The following ZNF385C variants were observed in gnomAD, a reference collection of about 807,000 sequenced individuals.
The protein encoded by ZNF385C is CTD-2132N18.2.
Under a neutral mutation model 35.4 loss-of-function variants are expected in ZNF385C, and 28 were observed. The ratio of observed to expected loss-of-function variants is 0.79; its 90% CI spans 0.59 to 1.08. The LOEUF (loss-of-function observed/expected upper bound fraction) is 1.08, where lower values mean the gene tolerates loss of function less well. Among genes scored for constraint, ZNF385C ranks in the 50% least tolerant of loss-of-function variants. ZNF385C has a pLI of 0.00. For synonymous variants in ZNF385C, 248 were observed against 248.2 expected, an observed-to-expected ratio of 1.00 and a Z score of 0.01; for missense variants, 605 against 595.6, an observed-to-expected ratio of 1.02 and a Z score of -0.16.
intron 2 of ZNF385C, chr17:42,038,534 T>C (rs1302995143): frequency 6.5e-6 from 1 of 153,266 alleles, no homozygotes; most frequent in Non-Finnish European, 1.4e-5. Context: ...CAGTCTTTGG[T>C]CTTAAAGGTC....
intron 1 of ZNF385C, among the ~76,000 whole-genome samples, chr17:42,075,731 T>C (rs2053677771): frequency 6.6e-6 from 1 of 152,192 alleles, no homozygotes; most frequent in South Asian, 2.1e-4. Flanking sequence ...CCTGACCTCA[T>C]GATCCACCTG....
In ZNF385C at chr17:42,037,838, G is replaced by A; in HGVS notation, c.298C>T (p.Leu100=). 1 of 1,517,064 alleles carries A rather than the reference G, an allele frequency of 6.6e-7. No individual in the cohort carries two copies. The allele number at this position is 1,517,064 out of a possible 1,614,324, so 94.0% of individuals were successfully genotyped here. ...GGGGGCTGCAGAGGCCGGGTGGGCA[G>A]GGGCAGGGAGGCCAGCAGGGGGCTG... is the stretch of plus-strand genomic sequence containing the variant. ...APSPLLASLP[L]PTRPLQPPLD... is the part of the protein sequence containing the mutation. Residue 100 remains leucine, a synonymous_variant, in exon 3 of 9, where the codon CTG becomes TTG. Transcript: ENST00000692273.
intron 1 of ZNF385C, among the ~76,000 whole-genome samples, chr17:42,078,186 C>A (rs1329122150): frequency 2.0e-5 from 3 of 152,102 alleles, no homozygotes; most frequent in Admixed American, 2.0e-4. Context: ...GCCTCAGTTT[C>A]CCTGGCGGTG....
intron 1 of ZNF385C, among the ~76,000 whole-genome samples, chr17:42,073,065 AG>A (rs1439686975): frequency 6.6e-6 from 1 of 152,194 alleles, no homozygotes; most frequent in African/African-American, 2.4e-5. Context: ...GCTGGGTGCC[AG>A]GGGGATCACA....
intron 2 of ZNF385C, among the ~76,000 whole-genome samples, chr17:42,045,904 A>G (rs543909956): frequency 4.6e-5 from 7 of 152,306 alleles, no homozygotes; most frequent in Admixed American, 3.9e-4. Context: ...TTCTGTTAAT[A>G]GAGCCTCCCG....
At chr17:42,069,203 T>C (rs1487387482) in intron 1 of ZNF385C, among the ~76,000 whole-genome samples, 2 of 139,898 alleles carry the variant, frequency 1.4e-5, no homozygotes, top group African/African-American at 5.5e-5. Flanking sequence ...CTACCTGTGC[T>C]GGAGAGCTGT....
chr17:42,041,123 G>C, intron 2 of ZNF385C: 1 of 1,232,292 alleles, frequency 8.1e-7, no homozygotes, highest in Non-Finnish European at 1.0e-6. Flanking sequence ...TCCAACACCA[G>C]CCCCACATAT....
At chr17:42,037,929 A>T in intron 2 of ZNF385C, 44 bp from the exon 3 acceptor site, 1 of 1,546,438 alleles carries the variant, frequency 6.5e-7, no homozygotes, top group Non-Finnish European at 8.7e-7. Context: ...GCTCTGTCCT[A>T]CCCCCGTGGC....
At chr17:42,063,914 A>G (rs1193723677) in intron 1 of ZNF385C, among the ~76,000 whole-genome samples, 1 of 151,752 alleles carries the variant, frequency 6.6e-6, no homozygotes, top group Non-Finnish European at 1.5e-5. Context: ...AGCCATCCCA[A>G]CCCCTGCTCC....
In ZNF385C at chr17:42,095,061, C is replaced by T. The variant is rs1011309503; in HGVS notation, c.-3+3349G>A. Among the ~76,000 whole-genome samples the T allele has an allele frequency of 7.9e-5, 12 of 152,096 alleles. No individual in the cohort carries two copies. Among genetic ancestry groups the T allele is most frequent in the Non-Finnish European group, 1.5e-4 (10 of 68,018 alleles). On this transcript the variant is annotated intron_variant, in intron 1 of 8. Coordinates refer to ENST00000692273, the MANE Select transcript of ZNF385C (RefSeq NM_001392013.1). This position sits in a 1 kb window ranked among gnomAD's most constrained non-coding sequence, Gnocchi z 4.4. Reference sequence around the variant, plus strand: ...CTGGGGGTTAGTGCAGGCGGGCATGCGTACCTGAGTGAGTTTGTGAGTGTC... The same window carrying T: ...CTGGGGGTTAGTGCAGGCGGGCATGTGTACCTGAGTGAGTTTGTGAGTGTC...
In ZNF385C at chr17:42,027,104, G is replaced by C; in HGVS notation, c.1305C>G (p.Thr435=). 1 of 1,613,400 alleles carries C rather than the reference G, an allele frequency of 6.2e-7. No individual in the cohort carries two copies. The highest frequency in any genetic ancestry group is 1.3e-5 in the African/African-American group (1 of 74,968). The change falls in exon 9 of 9, where the codon ACC becomes ACG. Residue 435 remains threonine (T), a synonymous_variant. Coordinates refer to ENST00000692273, the MANE Select transcript of ZNF385C (RefSeq NM_001392013.1). ...KSKLALQKQL[T]KTLAARFLPS... ...GCAGGAAGCGGGCTGCCAACGTCTT[G>C]GTGAGTTGCTTCTGCAAGGCCAGTT... is the stretch of plus-strand genomic sequence containing the variant.
intron 1 of ZNF385C, among the ~76,000 whole-genome samples, chr17:42,064,042 C>T (rs77865039): frequency 0.029 from 4,355 of 151,266 alleles, 210 homozygotes; most frequent in East Asian, 0.21. Flanking sequence ...CCCCTGCCCC[C>T]GCCCTGTCCC....
intron 3 of ZNF385C, among the ~76,000 whole-genome samples, chr17:42,035,542 CTT>C (rs67173303): frequency 2.3e-4 from 24 of 105,590 alleles, no homozygotes; most frequent in African/African-American, 7.3e-4. Flanking sequence ...TGCTGACGAC[CTT>C]TTTTTTTTTT....
In ZNF385C at chr17:42,027,728, G is replaced by C; in HGVS notation, c.1165C>G (p.His389Asp). The C allele has an allele frequency of 6.2e-7, 1 of 1,611,988 alleles. No homozygotes were observed. Residue 389 changes from histidine (H) to aspartate (D), a missense_variant and splice_region_variant, in exon 8 of 9, where the codon CAC becomes GAC. Physicochemically the swap from His to Asp is moderately conservative, Grantham distance 81. Coordinates refer to ENST00000692273, the MANE Select transcript of ZNF385C (RefSeq NM_001392013.1). ...TCTTTGTGCCTCCTGCTGCTCATGTGCTAATGGACAGACAGACAGACTGGG... is the reference window on the plus strand; with the variant it reads ...TCTTTGTGCCTCCTGCTGCTCATGTCCTAATGGACAGACAGACAGACTGGG... ...QVNSETQLKQ[H>D]MSSRRHKDRL...
intron 2 of ZNF385C, among the ~76,000 whole-genome samples, chr17:42,043,928 G>A (rs1555656364): frequency 6.6e-6 from 1 of 152,012 alleles, no homozygotes; most frequent in Non-Finnish European, 1.5e-5. Flanking sequence ...GGGCCCATGA[G>A]GAGTTCATAG....
intron 2 of ZNF385C, among the ~76,000 whole-genome samples, chr17:42,046,655 G>T (rs191112499): frequency 6.6e-6 from 1 of 152,082 alleles, no homozygotes; most frequent in Admixed American, 6.6e-5. Context: ...AGAGGCCAAG[G>T]CAGGAGGATC....
chr17:42,073,437 A>G (rs1302143616), intron 1 of ZNF385C, among the ~76,000 whole-genome samples: 1 of 152,094 alleles, frequency 6.6e-6, no homozygotes, highest in African/African-American at 2.4e-5. Context: ...TTCGTCTCAA[A>G]AAAAAAAAGG....
chr17:42,052,863 C>T (rs1555657248), intron 2 of ZNF385C, among the ~76,000 whole-genome samples: 3 of 152,252 alleles, frequency 2.0e-5, no homozygotes, highest in African/African-American at 7.2e-5. Context: ...CCCCATCCCC[C>T]TACCCCCAAG....
At chr17:42,045,459 A>G (rs1007167368) in intron 2 of ZNF385C, among the ~76,000 whole-genome samples, 11 of 152,244 alleles carry the variant, frequency 7.2e-5, no homozygotes, top group African/African-American at 2.2e-4. Flanking sequence ...GTGCTTTACA[A>G]CGATCCAGGG....
Sources: allele counts gnomAD v4.1 joint callset (sites outside exome capture counted in the v4.1 genomes callset), GRCh38; gene constraint gnomAD v4.1.1; non-coding constraint Gnocchi (gnomAD v3.1); transcripts MANE v1.5; gene names NCBI Gene and HGNC (gene_info 2026-07-23, HGNC 2026-07-21).